DNAH7: variants seen among roughly 807,000 people sequenced by gnomAD.
DNAH7 encodes dynein axonemal heavy chain 7.
In DNAH7, 397 loss-of-function variants were observed where a neutral mutation model predicts 444.6. The observed-to-expected ratio is 0.89, with a 90% CI of 0.82 to 0.97. DNAH7 has a LOEUF of 0.97. Among genes scored for constraint, DNAH7 ranks in the 50% least tolerant of loss-of-function variants. The pLI, the probability that DNAH7 is intolerant of heterozygous loss-of-function variation, is 0.00. For missense variants in DNAH7, 4,902 were observed against 4,800.8 expected (o/e 1.02, Z -0.62); for synonymous variants, 1,636 against 1,624.4 (o/e 1.01, Z -0.17).
intron 58 of DNAH7, among the ~76,000 whole-genome samples, chr2:195,783,294 T>C (rs776427016): frequency 9.9e-5 from 15 of 152,218 alleles, no homozygotes; most frequent in Non-Finnish European, 1.9e-4. Context: ...TAGTCTCCTG[T>C]ATTACTTTTC....
intron 15 of DNAH7, among the ~76,000 whole-genome samples, chr2:195,980,079 A>C (rs1300134676): frequency 6.7e-6 from 1 of 149,056 alleles, no homozygotes; most frequent in Non-Finnish European, 1.5e-5. Flanking sequence ...AAAAAAAAAA[A>C]AAAAAAACTA....
intron 63 of DNAH7, among the ~76,000 whole-genome samples, chr2:195,752,850 C>G (rs1032827461): frequency 6.6e-6 from 1 of 152,172 alleles, no homozygotes; most frequent in Non-Finnish European, 1.5e-5. Flanking sequence ...CTGAAAAGAA[C>G]AGCATCAGTT....
chr2:195,933,140 A>C (rs1395065103), intron 21 of DNAH7, among the ~76,000 whole-genome samples: 1 of 152,232 alleles, frequency 6.6e-6, no homozygotes, highest in African/African-American at 2.4e-5. Flanking sequence ...TTCAAAAGAC[A>C]CATGAAAAAA....
intron 64 of DNAH7, among the ~76,000 whole-genome samples, 137 bp downstream of exon 64, chr2:195,740,613 GTGTATATATATATATA>G (rs1237962491): frequency 2.9e-5 from 2 of 70,154 alleles, no homozygotes; most frequent in South Asian, 3.8e-4. Flanking sequence ...GTGTGTGTGT[GTGTATATATATATATA>G]TATATATATA....
At chr2:196,049,883 A>G (rs1315008456) in intron 3 of DNAH7, among the ~76,000 whole-genome samples, 1 of 152,244 alleles carries the variant, frequency 6.6e-6, no homozygotes, top group Non-Finnish European at 1.5e-5. Context: ...AAAAATGTCT[A>G]TTCCATTTCA....
At chr2:195,808,229 C>A (rs1696799014) in intron 53 of DNAH7, among the ~76,000 whole-genome samples, 4 of 152,184 alleles carry the variant, frequency 2.6e-5, no homozygotes, top group Non-Finnish European at 5.9e-5. Flanking sequence ...GTATAATACT[C>A]CCCAGTTAGT....
intron 31 of DNAH7, among the ~76,000 whole-genome samples, chr2:195,891,256 C>T (rs995700398): frequency 3.3e-5 from 5 of 152,144 alleles, no homozygotes; most frequent in African/African-American, 4.8e-5. Flanking sequence ...TAAGCATTGG[C>T]GTATATCTAA....
intron 46 of DNAH7, among the ~76,000 whole-genome samples, chr2:195,852,907 CACACACACAGAG>C (rs1405568510): frequency 7.9e-6 from 1 of 126,174 alleles, no homozygotes; most frequent in Non-Finnish European, 1.7e-5. Context: ...CACACACACA[CACACACACAGAG>C]AGAGAGAGAG....
At chr2:195,858,122 CAA>C (rs1699813696) in intron 43 of DNAH7, among the ~76,000 whole-genome samples, 1 of 152,068 alleles carries the variant, frequency 6.6e-6, no homozygotes, top group Non-Finnish European at 1.5e-5. Flanking sequence ...ATTCCAATGA[CAA>C]GTGTGTCTAA....
chr2:195,851,290 C>T lies in DNAH7; in HGVS notation c.8781+2053G>A, dbSNP rs184070924. On this transcript the variant is annotated intron_variant, in intron 46 of 64. Transcript: ENST00000312428. ...AATCCACAGGAATTCCTTCCTGTGA[C>T]ATGAGAGTGACATGAGAGATTTGTT... 7.2e-5 allele frequency among the ~76,000 whole-genome samples: 11 copies of T among 152,270 alleles called. No homozygotes were observed. The East Asian group carries it at 1.9e-3, about 27-fold the overall frequency.
At chr2:196,056,551 C>A (rs1349476775) in intron 2 of DNAH7, among the ~76,000 whole-genome samples, 1 of 152,048 alleles carries the variant, frequency 6.6e-6, no homozygotes, top group Non-Finnish European at 1.5e-5. Context: ...GGATGGGAGT[C>A]AACATCCCCA....
rs754574627 is a variant in DNAH7 at position 195,988,175 on chromosome 2, C to T, written c.1408G>A (p.Asp470Asn). 1.2e-6 allele frequency: 2 copies of T among 1,613,234 alleles called. No homozygotes were observed. The highest frequency in any genetic ancestry group is 2.2e-5 in the South Asian group (2 of 90,868). ...LKPIILNEIV[D>N]AHKEKIKEVI... Reference sequence around the variant, plus strand: ...TCCTTGATCTTTTCTTTGTGAGCATCTACAATTTCATTCAGAATTATGGGC... The same window carrying T: ...TCCTTGATCTTTTCTTTGTGAGCATTTACAATTTCATTCAGAATTATGGGC... The change falls in exon 13 of 65, where the codon GAT (aspartate) becomes AAT (asparagine). Residue 470 changes from aspartate (D) to asparagine (N), a missense_variant. By Grantham distance (23) the Asp-to-Asn change is conservative. Transcript: ENST00000312428.
intron 30 of DNAH7, chr2:195,894,557 G>A (rs972398136): frequency 1.3e-5 from 2 of 152,446 alleles, no homozygotes; most frequent in African/African-American, 4.8e-5. Context: ...TTCTGAATGT[G>A]TCATTATATA....
rs576827155 is a variant in DNAH7 at position 195,976,406 on chromosome 2, T to A, written c.1834-3940A>T. ...TGGTCTGATGCCAGTTCAGCTGCAA[T>A]AGAGTAGAGTACCACATAGATTCCT... On this transcript the variant is annotated intron_variant, in intron 15 of 64. Transcript: ENST00000312428. Among the ~76,000 whole-genome samples the A allele has an allele frequency of 5.9e-5, 9 of 152,096 alleles. 1 individual carries two copies. The highest frequency in any genetic ancestry group is 4.6e-4 in the Admixed American group (7 of 15,268).
chr2:196,033,375 G>A (rs60043905), intron 5 of DNAH7, among the ~76,000 whole-genome samples: 4,049 of 152,148 alleles, frequency 0.027, 151 homozygotes, highest in African/African-American at 0.093. Context: ...GCCATGCTGT[G>A]CAATATGTTT....
At chr2:195,775,138 T>G (rs1695005090) in intron 60 of DNAH7, among the ~76,000 whole-genome samples, 1 of 152,214 alleles carries the variant, frequency 6.6e-6, no homozygotes, top group South Asian at 2.1e-4. Flanking sequence ...CCAATCTATC[T>G]CTTAATAGAC....
rs531692891 is a variant in DNAH7, at chr2:196,006,480, A to G, written c.990-4622T>C. Among the ~76,000 whole-genome samples, 3 of 152,210 alleles carry G rather than the reference A, an allele frequency of 2.0e-5. No homozygotes were observed. In the East Asian group the frequency reaches 5.8e-4, roughly 29 times the overall value. On this transcript the variant is annotated intron_variant, in intron 10 of 64. Transcript: ENST00000312428. The stretch of plus-strand genomic sequence containing the variant: ...AAGCATTTACAAAATCTAACACTAC[A>G]TGATAAAAAACCATATCTGCTCTTG...
intron 40 of DNAH7, among the ~76,000 whole-genome samples, chr2:195,865,887 T>A (rs1278271869): frequency 2.2e-4 from 33 of 152,176 alleles, no homozygotes; most frequent in Admixed American, 2.2e-3. Flanking sequence ...TCTCTCTCTC[T>A]GGTTCTTGTT....
chr2:195,857,206 T>C (rs1699763859), intron 44 of DNAH7, among the ~76,000 whole-genome samples, 171 bp downstream of exon 44: 1 of 152,210 alleles, frequency 6.6e-6, no homozygotes, highest in African/African-American at 2.4e-5. Context: ...CACTGTATTA[T>C]ACTATTAGTT....
Sources: gnomAD v4.1 joint callset for allele counts (sites outside exome capture counted in the v4.1 genomes callset) on GRCh38, gnomAD v4.1.1 for gene constraint, MANE v1.5 for transcripts, NCBI Gene and HGNC (gene_info 2026-07-23, HGNC 2026-07-21) for gene names.